Variants in PCMTD1 observed in about 807,000 individuals in gnomAD.
PCMTD1 encodes protein-L-isoaspartate (D-aspartate) O-methyltransferase domain containing 1.
In PCMTD1, 12 loss-of-function variants were observed where a neutral mutation model predicts 37.6. The observed-to-expected ratio is 0.32, with a 90% CI of 0.20 to 0.52. The LOEUF (loss-of-function observed/expected upper bound fraction) is 0.52, where lower values mean the gene tolerates loss of function less well. Ranked by LOEUF, PCMTD1 falls within the 20% of genes least tolerant of loss-of-function variation. The pLI is 0.97. For synonymous variants in PCMTD1, 117 were observed against 135.8 expected (o/e 0.86, Z 0.96); for missense variants, 235 against 421.3 (o/e 0.56, Z 3.87).
At chr8:51,878,421 C>A (rs1179774385) in intron 1 of PCMTD1, among the ~76,000 whole-genome samples, 1 of 152,060 alleles carries the variant, frequency 6.6e-6, no homozygotes, top group Non-Finnish European at 1.5e-5. Context: ...AAGTTTGAAA[C>A]TATTTCAAAA....
chr8:51,856,438 A>G (rs1228567335), intron 2 of PCMTD1, among the ~76,000 whole-genome samples: 2 of 152,226 alleles, frequency 1.3e-5, no homozygotes. Context: ...GCCACTCTGG[A>G]AAACACTTTG....
chr8:51,862,416 G>A (rs999675938), intron 1 of PCMTD1, among the ~76,000 whole-genome samples: 5 of 151,856 alleles, frequency 3.3e-5, no homozygotes, highest in Non-Finnish European at 7.4e-5. Flanking sequence ...ATTAAACTCA[G>A]CATCAGAATG....
chr8:51,871,221 C>T (rs2038634991), intron 1 of PCMTD1, among the ~76,000 whole-genome samples: 2 of 152,118 alleles, frequency 1.3e-5, no homozygotes. Context: ...AATGGAAATC[C>T]TGAAGTGAGA....
intron 3 of PCMTD1, among the ~76,000 whole-genome samples, chr8:51,844,513 C>T (rs781376364): frequency 3.9e-5 from 6 of 152,268 alleles, no homozygotes; most frequent in South Asian, 2.1e-4. Context: ...GAGGATTTTG[C>T]TCCATTACAT....
intron 3 of PCMTD1, among the ~76,000 whole-genome samples, chr8:51,835,097 C>T (rs2038051107): frequency 6.6e-6 from 1 of 152,170 alleles, no homozygotes; most frequent in Non-Finnish European, 1.5e-5. Context: ...GACTCCTTTC[C>T]TGTCTCTGCC....
chr8:51,896,209 G>A (rs889104802), intron 1 of PCMTD1: 2 of 152,088 alleles, frequency 1.3e-5, no homozygotes, highest in Non-Finnish European at 2.9e-5. Context: ...GCCTCCCAAA[G>A]TGCTAGGATT....
At chr8:51,889,808 C>G (rs1405837852) in intron 1 of PCMTD1, among the ~76,000 whole-genome samples, 2 of 151,810 alleles carry the variant, frequency 1.3e-5, no homozygotes, top group Non-Finnish European at 2.9e-5. Context: ...ATATTAGATT[C>G]TATGTTAATA....
At chr8:51,832,769 A>G (rs1178426525) in intron 4 of PCMTD1, among the ~76,000 whole-genome samples, 1 of 152,186 alleles carries the variant, frequency 6.6e-6, no homozygotes, top group Non-Finnish European at 1.5e-5. Context: ...AAATGAGTCT[A>G]TTCGGTACTA....
intron 3 of PCMTD1, among the ~76,000 whole-genome samples, chr8:51,838,926 A>C (rs1409829113): frequency 3.9e-5 from 6 of 152,222 alleles, no homozygotes; most frequent in South Asian, 2.1e-4. Context: ...AAATCTGAGA[A>C]GGAAAAAAAT....
chr8:51,823,830 C>T (rs898447446), intron 5 of PCMTD1, among the ~76,000 whole-genome samples: 2 of 152,172 alleles, frequency 1.3e-5, no homozygotes, highest in East Asian at 1.9e-4. Flanking sequence ...AGCAGCACAT[C>T]TAAAAGCTTA....
chr8:51,841,527 G>C (rs982099027), intron 3 of PCMTD1, among the ~76,000 whole-genome samples: 1 of 152,008 alleles, frequency 6.6e-6, no homozygotes, highest in Non-Finnish European at 1.5e-5. Flanking sequence ...TGCATTCCAG[G>C]GAGCCAAATC....
chr8:51,875,140 T>A (rs71513559), intron 1 of PCMTD1, among the ~76,000 whole-genome samples: 9,393 of 152,288 alleles, frequency 0.062, 380 homozygotes, highest in Non-Finnish European at 0.087. Context: ...TTAAAAAGAA[T>A]TTCTTTATTT....
chr8:51,848,428 AATATAT>A, intron 2 of PCMTD1, among the ~76,000 whole-genome samples: 1 of 152,312 alleles, frequency 6.6e-6, no homozygotes, highest in Non-Finnish European at 1.5e-5. Flanking sequence ...TATAAGACAG[AATATAT>A]AAATATAATA....
At chr8:51,845,404 A>G in intron 3 of PCMTD1, 1 of 334,296 alleles carries the variant, frequency 3.0e-6, no homozygotes, top group African/African-American at 2.1e-5. Flanking sequence ...CAGAAAAGAT[A>G]GCTGAATGTT....
In PCMTD1 at chr8:51,885,356, G is replaced by C. The variant is rs1209068262; in HGVS notation, c.-96+13574C>G. Among the ~76,000 whole-genome samples the C allele has an allele frequency of 2.6e-5, 4 of 152,312 alleles. No homozygotes were observed. In the South Asian group the frequency reaches 8.3e-4, roughly 32 times the overall value. ...GAGCTGTCACAATGATCAGAGAGGG[G>C]AAGTTAGACGCCAGCCCTGACTAAG... On this transcript the variant is annotated intron_variant, in intron 1 of 5. Transcript: ENST00000522514.
chr8:51,877,073 T>A (rs551203990), intron 1 of PCMTD1, among the ~76,000 whole-genome samples: 1 of 152,220 alleles, frequency 6.6e-6, no homozygotes, highest in African/African-American at 2.4e-5. Flanking sequence ...TGGGCCTGTA[T>A]GAAATGCTTG....
At chr8:51,849,557 C>G (rs2038274213) in intron 2 of PCMTD1, 1 of 152,068 alleles carries the variant, frequency 6.6e-6, no homozygotes, top group Non-Finnish European at 1.5e-5. Flanking sequence ...AAAACAAATA[C>G]AGTTATTAGA....
chr8:51,859,307 C>T (rs1434440862), intron 2 of PCMTD1, among the ~76,000 whole-genome samples: 1 of 151,954 alleles, frequency 6.6e-6, no homozygotes, highest in Non-Finnish European at 1.5e-5. Context: ...GTCTCAAACC[C>T]TAGAGATTCC....
At chr8:51,838,493 G>C (rs2038099474) in intron 3 of PCMTD1, among the ~76,000 whole-genome samples, 1 of 150,652 alleles carries the variant, frequency 6.6e-6, no homozygotes, top group East Asian at 1.9e-4. Flanking sequence ...CTGTCTCAAA[G>C]AAAAAAAAGA....
Sources: gnomAD v4.1 joint callset for allele counts (sites outside exome capture counted in the v4.1 genomes callset) on GRCh38, gnomAD v4.1.1 for gene constraint, MANE v1.5 for transcripts, NCBI Gene and HGNC (gene_info 2026-07-23, HGNC 2026-07-21) for gene names.